Variants in ZFP14 observed in about 807,000 individuals in gnomAD.
The protein encoded by ZFP14 is zinc finger protein 14 homolog.
A neutral mutation model predicts 54.5 loss-of-function variants in ZFP14; 22 were observed. That is an observed-to-expected ratio of 0.40 (90% CI 0.29 to 0.58). The LOEUF is 0.58. Ranked by LOEUF, ZFP14 falls within the 20% of genes least tolerant of loss-of-function variation. ZFP14 has a pLI of 0.39. For synonymous variants in ZFP14, 159 were observed against 204.0 expected, an observed-to-expected ratio of 0.78 and a Z score of 1.88; for missense variants, 470 against 637.8, an observed-to-expected ratio of 0.74 and a Z score of 2.83.
In ZFP14 at chr19:36,362,097, G is replaced by A. The variant is rs2145556390; in HGVS notation, c.136+15C>T. On this transcript the variant is annotated intron_variant, in intron 3 of 4. Coordinates refer to ENST00000270001, the MANE Select transcript of ZFP14 (RefSeq NM_020917.3). Reference sequence around the variant, plus strand: ...AGCAGAGAAAGCTAATATCATTTGGGATAAATAACCTTACCTAGTGAAATG... The same window carrying A: ...AGCAGAGAAAGCTAATATCATTTGGAATAAATAACCTTACCTAGTGAAATG... 2 of 1,583,056 alleles carry A rather than the reference G, an allele frequency of 1.3e-6. No homozygotes were observed. The highest frequency in any genetic ancestry group is 1.4e-5 in the African/African-American group (1 of 72,840).
At chr19:36,371,798 T>G (rs1164024331) in intron 1 of ZFP14, among the ~76,000 whole-genome samples, 1 of 151,984 alleles carries the variant, frequency 6.6e-6, no homozygotes, top group Non-Finnish European at 1.5e-5. Context: ...CTACAAATAA[T>G]TTTTTAAAAA....
Position 36,341,380 on chromosome 19 carries a change from T to C in ZFP14, c.446A>G (p.Lys149Arg), listed in dbSNP as rs763423986. 7 of 1,613,986 alleles carry C rather than the reference T, an allele frequency of 4.3e-6. No homozygotes were observed. Among genetic ancestry groups the C allele is most frequent in the Non-Finnish European group, 3.4e-6 (4 of 1,179,984 alleles). ...YFGQVKITSE[K>R]MTTYKRHNFL... is the part of the protein sequence containing the mutation. ...ATTGTGCCTTTTGTAAGTGGTCATT[T>C]TTTCAGAGGTAATTTTCACTTGCCC... The change falls in exon 5 of 5, where the codon AAA (lysine) becomes AGA (arginine). Residue 149 changes from lysine (K) to arginine (R), a missense_variant. Coordinates refer to ENST00000270001, the MANE Select transcript of ZFP14 (RefSeq NM_020917.3). This position sits in a 1 kb window ranked among gnomAD's most constrained non-coding sequence, Gnocchi z 4.2.
intron 1 of ZFP14, among the ~76,000 whole-genome samples, chr19:36,369,567 C>A (rs972398654): frequency 1.3e-5 from 2 of 152,066 alleles, no homozygotes; most frequent in Admixed American, 1.3e-4. Context: ...CCTGCCACTA[C>A]GCCCGGCTAA....
chr19:36,342,146 C>G (rs977858688), intron 4 of ZFP14, among the ~76,000 whole-genome samples: 1 of 145,296 alleles, frequency 6.9e-6, no homozygotes, highest in Non-Finnish European at 1.5e-5. Context: ...TGAGCCACTG[C>G]GCCCGGCGAG....
rs1568461669 is a variant in ZFP14 at position 36,336,115 on chromosome 19, GTA to G, written c.*4107_*4108del. 6.6e-6 allele frequency: 1 copy of G among 151,250 alleles called. No individual in the cohort carries two copies. The highest frequency in any genetic ancestry group is 1.9e-4 in the East Asian group (1 of 5,152). 9.4% of individuals were successfully genotyped at this position (151,250 alleles called of 1,614,324 possible). On this transcript the variant is annotated 3_prime_UTR_variant, in exon 5 of 5. Transcript: ENST00000270001. ...TTTTATCATCATTAATACTCTAAAT[GTA>G]TTATCTTTCATTTTCTCTTCCTTGA...
Position 36,334,872 on chromosome 19 carries a change from A to ATTTTTT in ZFP14, c.*5351_*5352insAAAAAA, listed in dbSNP as rs143290154. ...TATACTTTGAATTCCTCAAAAGTAG[A>ATTTTTT]TTTTTATTTTATTTTATTTGAGACT... On this transcript the variant is annotated 3_prime_UTR_variant, in exon 5 of 5. Transcript: ENST00000270001. 2 of 136,222 alleles carry ATTTTTT rather than the reference A, an allele frequency of 1.5e-5. No individual in the cohort carries two copies. The highest frequency in any genetic ancestry group is 5.2e-5 in the African/African-American group (2 of 38,382). The allele number at this position is 136,222 out of a possible 1,614,324, so 8.4% of individuals were successfully genotyped here. A position where few individuals can be genotyped will look rare whatever the true frequency, so the allele number is the denominator to read the frequency against.
Position 36,341,525 on chromosome 19 carries a change from A to T in ZFP14, c.301T>A (p.Phe101Ile), listed in dbSNP as rs115297808. The T allele has an allele frequency of 2.3e-3, 3,650 of 1,607,774 alleles. 67 individuals are homozygous for T. The African/African-American group carries it at 0.041, about 18-fold the overall frequency. Reference sequence around the variant, plus strand: ...ATTCTTTCCATTATATCCCACTGAAATGAATATATTTCATAAATGTCCTTT... The same window carrying T: ...ATTCTTTCCATTATATCCCACTGAATTGAATATATTTCATAAATGTCCTTT... ...PEKDIYEIYSFQWDIMERIKS... is the reference protein window; with the variant it reads ...PEKDIYEIYSIQWDIMERIKS... Residue 101 changes from phenylalanine (F) to isoleucine (I), a missense_variant, in exon 5 of 5, where the codon TTT becomes ATT. Phe to Ile is a conservative substitution (Grantham distance 21). Coordinates refer to ENST00000270001, the MANE Select transcript of ZFP14 (RefSeq NM_020917.3). This position sits in a 1 kb window ranked among gnomAD's most constrained non-coding sequence, Gnocchi z 4.2.
chr19:36,374,352 T>C (rs1290315808), intron 1 of ZFP14, among the ~76,000 whole-genome samples: 1 of 151,754 alleles, frequency 6.6e-6, no homozygotes, highest in East Asian at 1.9e-4. Context: ...TAGCCGGGCA[T>C]GATGGCAGGT....
At chr19:36,359,771 C>CA (rs2031679635) in intron 4 of ZFP14, among the ~76,000 whole-genome samples, 1 of 152,100 alleles carries the variant, frequency 6.6e-6, no homozygotes. Flanking sequence ...TCTTGTGTCT[C>CA]AGCCTCCTGA....
intron 4 of ZFP14, among the ~76,000 whole-genome samples, chr19:36,354,074 CAAAAAA>C (rs34807802): frequency 2.3e-5 from 2 of 85,830 alleles, no homozygotes; most frequent in African/African-American, 8.8e-5. Flanking sequence ...GACCCTGTCT[CAAAAAA>C]AAAAAAAAAA....
At chr19:36,359,851 TG>T (rs1400038830) in intron 4 of ZFP14, among the ~76,000 whole-genome samples, 7 of 152,026 alleles carry the variant, frequency 4.6e-5, no homozygotes, top group Admixed American at 1.3e-4. Flanking sequence ...GACAGTGTTT[TG>T]CTGCGTTGGC....
intron 1 of ZFP14, among the ~76,000 whole-genome samples, chr19:36,376,883 G>C (rs1452772889): frequency 6.6e-6 from 1 of 152,160 alleles, no homozygotes; most frequent in African/African-American, 2.4e-5. Context: ...AGCTCAGGCA[G>C]CTTTAAGTGG....
chr19:36,343,279 TTATAA>T (rs1389924519), intron 4 of ZFP14, among the ~76,000 whole-genome samples: 3 of 152,238 alleles, frequency 2.0e-5, no homozygotes, highest in Admixed American at 6.5e-5. Context: ...CTCTTTACCA[TTATAA>T]TAAAATATAA....
chr19:36,362,640 CAGATG>C (rs1482685798), intron 2 of ZFP14, among the ~76,000 whole-genome samples: 1 of 151,820 alleles, frequency 6.6e-6, no homozygotes, highest in African/African-American at 2.4e-5. Flanking sequence ...TTGGGAGGCC[CAGATG>C]AGAGGATCAT....
At chr19:36,351,909 T>C (rs2031531842) in intron 4 of ZFP14, among the ~76,000 whole-genome samples, 1 of 141,852 alleles carries the variant, frequency 7.0e-6, no homozygotes, top group East Asian at 2.1e-4. Context: ...TCCGGCCGGG[T>C]GTGGTGGCTC....
Position 36,369,363 on chromosome 19 carries a change from A to T in ZFP14, c.-79-1392T>A, listed in dbSNP as rs117629106. 6.6e-3 allele frequency among the ~76,000 whole-genome samples: 1,004 copies of T among 151,910 alleles called. 6 individuals are homozygous for T. The highest frequency in any genetic ancestry group is 0.011 in the Admixed American group (173 of 15,268). On this transcript the variant is annotated intron_variant, in intron 1 of 4. Coordinates refer to ENST00000270001, the MANE Select transcript of ZFP14 (RefSeq NM_020917.3). The stretch of plus-strand genomic sequence containing the variant: ...TTGCCAACATTTGTTTTGAATCTAC[A>T]TTTCTCTAACTAAAAAGCCCGTTTC...
chr19:36,343,238 A>C (rs1163942266), intron 4 of ZFP14, among the ~76,000 whole-genome samples: 3 of 152,142 alleles, frequency 2.0e-5, no homozygotes, highest in African/African-American at 7.2e-5. Context: ...TCAATATTTG[A>C]GTCTCTCTGT....
At chr19:36,364,619 C>T (rs1225328130) in intron 2 of ZFP14, among the ~76,000 whole-genome samples, 1 of 152,190 alleles carries the variant, frequency 6.6e-6, no homozygotes, top group South Asian at 2.1e-4. Flanking sequence ...AAAGTTTAGG[C>T]CTTATCTTAT....
At chr19:36,375,881 T>C (rs2031954340) in intron 1 of ZFP14, among the ~76,000 whole-genome samples, 1 of 151,646 alleles carries the variant, frequency 6.6e-6, no homozygotes, top group Non-Finnish European at 1.5e-5. Context: ...TCAGTAGAGA[T>C]GGGGTTTCGC....
Sources: allele counts gnomAD v4.1 joint callset (sites outside exome capture counted in the v4.1 genomes callset), GRCh38; gene constraint gnomAD v4.1.1; non-coding constraint Gnocchi (gnomAD v3.1); transcripts MANE v1.5; gene names NCBI Gene and HGNC (gene_info 2026-07-23, HGNC 2026-07-21).